NEDD4L: variants seen among roughly 807,000 people sequenced by gnomAD.
NEDD4L encodes E3 ubiquitin-protein ligase NEDD4-like.
NEDD4L carries 54 observed loss-of-function variants against 148.9 expected under a neutral mutation model. The observed-to-expected ratio is 0.36, with a 90% CI of 0.29 to 0.45. The LOEUF (loss-of-function observed/expected upper bound fraction) is 0.45, where lower values mean the gene tolerates loss of function less well. NEDD4L is among the 20% of genes least tolerant of loss of function. The pLI is 1.00. For synonymous variants in NEDD4L, 433 were observed against 440.7 expected (o/e 0.98, Z 0.22); for missense variants, 856 against 1,233.8 (o/e 0.69, Z 4.59).
intron 1 of NEDD4L, among the ~76,000 whole-genome samples, chr18:58,158,943 A>G (rs1206899419): frequency 6.6e-6 from 1 of 152,154 alleles, no homozygotes; most frequent in Non-Finnish European, 1.5e-5. Flanking sequence ...TGTCTGGTTC[A>G]GTTTTGTGGC....
intron 1 of NEDD4L, among the ~76,000 whole-genome samples, chr18:58,111,983 G>A (rs2085449495): frequency 6.6e-6 from 1 of 152,174 alleles, no homozygotes; most frequent in African/African-American, 2.4e-5. Flanking sequence ...CCTACTGGGT[G>A]TCCCTGTTGT....
Position 58,323,282 on chromosome 18 carries a change from C to G in NEDD4L, c.461C>G (p.Pro154Arg), listed in dbSNP as rs1220311104. 6.2e-7 allele frequency: 1 copy of G among 1,604,236 alleles called. No homozygotes were observed. The highest frequency in any genetic ancestry group is 8.5e-7 in the Non-Finnish European group (1 of 1,175,130). ...TTGCGATTGAAAATGGCCTATATGC[C>G]AAAAAATGGAGGTCAAGATGAAGAA... ...GFLRLKMAYM[P>R]KNGGQDEENS... The change falls in exon 8 of 31, where the codon CCA becomes CGA. Residue 154 changes from proline to arginine, a missense_variant. Transcript: ENST00000400345.
intron 2 of NEDD4L, among the ~76,000 whole-genome samples, chr18:58,185,720 A>G (rs1035955382): frequency 3.3e-5 from 5 of 152,104 alleles, no homozygotes; most frequent in Non-Finnish European, 5.9e-5. Context: ...CTAAAAATAC[A>G]AAATTAGCCG....
intron 1 of NEDD4L, among the ~76,000 whole-genome samples, chr18:58,147,371 TA>T (rs913023824): frequency 6.6e-6 from 1 of 151,790 alleles, no homozygotes; most frequent in African/African-American, 2.4e-5. Flanking sequence ...GGTGTAATAT[TA>T]AAAAAAACTC....
At chr18:58,228,520 C>T (rs2148066608) in intron 2 of NEDD4L, among the ~76,000 whole-genome samples, 1 of 152,332 alleles carries the variant, frequency 6.6e-6, no homozygotes, top group East Asian at 1.9e-4. Context: ...TACAAAGAAC[C>T]AGTGCAGAGT....
rs765869459 is a variant in NEDD4L, at chr18:58,335,526, G to A, written c.1114G>A (p.Glu372Lys). The A allele has an allele frequency of 3.1e-6, 5 of 1,613,172 alleles. No homozygotes were observed. The highest frequency in any genetic ancestry group is 2.7e-5 in the African/African-American group (2 of 74,922). The change falls in exon 13 of 31, where the codon GAG (glutamate) becomes AAG (lysine). Residue 372 changes from glutamate (E) to lysine (K), a missense_variant. By Grantham distance (56) the Glu-to-Lys change is moderately conservative. This residue lies in a region of NEDD4L where 367 missense variants were observed against 422.7 expected (regional missense o/e 0.87). Coordinates refer to ENST00000400345, the MANE Select transcript of NEDD4L (RefSeq NM_001144967.3). The stretch of plus-strand genomic sequence containing the variant: ...GCGTTCATCAACTGTCACGGGTGGT[G>A]AGGAACCAACGGTAATGATCCACTT... The part of the protein sequence containing the change: ...RARSSTVTGG[E>K]EPTPSVAYVH...
intron 5 of NEDD4L, among the ~76,000 whole-genome samples, chr18:58,281,236 C>A (rs951495190): frequency 3.9e-5 from 6 of 152,160 alleles, no homozygotes; most frequent in African/African-American, 1.4e-4. Context: ...CCCTGGCCTC[C>A]CAAACTGCTG....
rs183443542 is a variant in NEDD4L at position 58,058,940 on chromosome 18, G to A, written c.48+14232G>A. 3.9e-5 allele frequency among the ~76,000 whole-genome samples: 6 copies of A among 152,262 alleles called. No homozygotes were observed. In the East Asian group the frequency reaches 7.7e-4, roughly 20 times the overall value. On this transcript the variant is annotated intron_variant, in intron 1 of 30. Coordinates refer to ENST00000400345, the MANE Select transcript of NEDD4L (RefSeq NM_001144967.3). ...TGATTTATCTCCAGTCCCAAGCACC[G>A]AATCAGACCCCTTGACCGTTTACTC...
chr18:58,096,346 TATTTA>T (rs1568210292), intron 1 of NEDD4L, among the ~76,000 whole-genome samples: 2 of 142,106 alleles, frequency 1.4e-5, no homozygotes, highest in African/African-American at 2.7e-5. Flanking sequence ...TATTTTATTT[TATTTA>T]TTTTATTTTA....
chr18:58,351,195 A>G (rs918497279), intron 18 of NEDD4L, 150 bp downstream of exon 18: 2 of 1,480,004 alleles, frequency 1.4e-6, no homozygotes, highest in Non-Finnish European at 1.8e-6. Context: ...CAGTGCCTTC[A>G]TACGGTACTG....
At chr18:58,299,889 A>G (rs544525514) in intron 5 of NEDD4L, among the ~76,000 whole-genome samples, 1 of 152,356 alleles carries the variant, frequency 6.6e-6, no homozygotes, top group South Asian at 2.1e-4. Flanking sequence ...TGGTCCATTT[A>G]TGATCTGCCA....
intron 4 of NEDD4L, among the ~76,000 whole-genome samples, chr18:58,251,021 C>T (rs550572988): frequency 6.6e-6 from 1 of 152,288 alleles, no homozygotes; most frequent in African/African-American, 2.4e-5. Context: ...GGTTCACAGT[C>T]TAGGCTCTGG....
intron 5 of NEDD4L, among the ~76,000 whole-genome samples, chr18:58,287,548 G>A (rs1183609651): frequency 6.6e-6 from 1 of 152,176 alleles, no homozygotes; most frequent in African/African-American, 2.4e-5. Flanking sequence ...GTTAAGTTCT[G>A]ACTTCATAGA....
intron 1 of NEDD4L, among the ~76,000 whole-genome samples, chr18:58,128,063 T>C (rs902552249): frequency 6.6e-6 from 1 of 151,876 alleles, no homozygotes; most frequent in Non-Finnish European, 1.5e-5. Flanking sequence ...TTTGTTTTGT[T>C]TGAGACAGGG....
chr18:58,142,424 C>T (rs1434192821), intron 1 of NEDD4L, among the ~76,000 whole-genome samples: 2 of 152,128 alleles, frequency 1.3e-5, no homozygotes, highest in African/African-American at 2.4e-5. Context: ...ATGTAATTTT[C>T]TTCAGCTTTC....
chr18:58,245,447 C>T lies in NEDD4L; in HGVS notation c.143C>T (p.Ser48Leu). The T allele has an allele frequency of 6.4e-7, 1 of 1,565,324 alleles. No homozygotes were observed. The highest frequency in any genetic ancestry group is 8.7e-7 in the Non-Finnish European group (1 of 1,144,288). Reference sequence around the variant, plus strand: ...TACAGTGATCCGTATGTGAAACTTTCATTGTACGTAGCGGATGAGAATAGA... The same window carrying T: ...TACAGTGATCCGTATGTGAAACTTTTATTGTACGTAGCGGATGAGAATAGA... Reference protein sequence around the residue: ...FGASDPYVKLSLYVADENREL... With the variant: ...FGASDPYVKLLLYVADENREL... Residue 48 changes from serine (S) to leucine (L), a missense_variant, in exon 3 of 31, where the codon TCA becomes TTA. Transcript: ENST00000400345.
At chr18:58,258,050 A>G (rs1264232084) in intron 5 of NEDD4L, among the ~76,000 whole-genome samples, 1 of 152,170 alleles carries the variant, frequency 6.6e-6, no homozygotes, top group Admixed American at 6.5e-5. Flanking sequence ...CTCCTCCATC[A>G]TTGGTTTTCA....
At chr18:58,199,542 AGGCTGG>A (rs2041163094) in intron 2 of NEDD4L, among the ~76,000 whole-genome samples, 1 of 152,182 alleles carries the variant, frequency 6.6e-6, no homozygotes, top group Non-Finnish European at 1.5e-5. Flanking sequence ...GCACTTTAGG[AGGCTGG>A]GGCATGAGGA....
chr18:58,195,277 T>G (rs2040530125), intron 2 of NEDD4L: 1 of 494,546 alleles, frequency 2.0e-6, no homozygotes, highest in South Asian at 2.0e-5. Context: ...TTCCCTGGTG[T>G]TGTTTTGTTG....
Sources: allele counts gnomAD v4.1 joint callset (sites outside exome capture counted in the v4.1 genomes callset), GRCh38; gene constraint gnomAD v4.1.1; regional missense constraint gnomAD v4.1.1; transcripts MANE v1.5; gene names NCBI Gene and HGNC (gene_info 2026-07-23, HGNC 2026-07-21).